Variants in ANKRD36 observed in about 807,000 individuals in gnomAD.
ANKRD36 encodes ankyrin repeat domain-containing protein 36A.
In ANKRD36, 179 loss-of-function variants were observed where a neutral mutation model predicts 278.1. The observed-to-expected ratio is 0.64, with a 90% confidence interval of 0.57 to 0.73. ANKRD36 has a LOEUF of 0.73. Among genes scored for constraint, ANKRD36 ranks in the 30% least tolerant of loss-of-function variants. The pLI, the probability that ANKRD36 is intolerant of heterozygous loss-of-function variation, is 0.00. For missense variants in ANKRD36, 1,159 were observed against 1,956.7 expected, an observed-to-expected ratio of 0.59 and a Z score of 7.69; for synonymous variants, 320 against 641.1, an observed-to-expected ratio of 0.50 and a Z score of 7.57.
At chr2:97,127,605 A>G (rs1374644522) in intron 6 of ANKRD36, among the ~76,000 whole-genome samples, 1 of 151,914 alleles carries the variant, frequency 6.6e-6, no homozygotes, top group Non-Finnish European at 1.5e-5. Context: ...TATGTTGTAT[A>G]TATTATATAT....
chr2:97,208,936 G>A (rs551353179), intron 54 of ANKRD36, among the ~76,000 whole-genome samples: 4 of 146,786 alleles, frequency 2.7e-5, no homozygotes, highest in Admixed American at 2.7e-4. Flanking sequence ...AATATCTAAT[G>A]CTTGTAGCCA....
intron 44 of ANKRD36, among the ~76,000 whole-genome samples, chr2:97,198,991 A>C (rs1218048035): frequency 6.6e-6 from 1 of 151,908 alleles, no homozygotes; most frequent in Non-Finnish European, 1.5e-5. Flanking sequence ...GAGGAAGTAT[A>C]GAATTTACAC....
rs1393720483 is a variant in ANKRD36, at chr2:97,189,556, G to A, written c.2245+266G>A. ...TGGAGAGAGGTTCAAGACATAAGGG[G>A]CTCTGGGGAACAGCATAGTTTTGCT... is the stretch of plus-strand genomic sequence containing the variant. On this transcript the variant is annotated intron_variant, in intron 34 of 75. Transcript: ENST00000420699. 2.3e-5 allele frequency among the ~76,000 whole-genome samples: 2 copies of A among 88,368 alleles called. 1 individual carries two copies. Among genetic ancestry groups the A allele is most frequent in the Admixed American group, 2.0e-4 (2 of 9,854 alleles). The allele number at this position is 88,368 out of a possible 152,430, so 58.0% of individuals were successfully genotyped here.
At chr2:97,145,992 T>G (rs370185589) in intron 10 of ANKRD36, among the ~76,000 whole-genome samples, 2 of 152,044 alleles carry the variant, frequency 1.3e-5, no homozygotes, top group African/African-American at 2.4e-5. Flanking sequence ...GTAGTATAAT[T>G]GTTTAAATCC....
intron 22 of ANKRD36, among the ~76,000 whole-genome samples, chr2:97,168,375 C>A (rs1438360813): frequency 6.6e-6 from 1 of 152,256 alleles, no homozygotes; most frequent in Non-Finnish European, 1.5e-5. Flanking sequence ...AGCAATGACT[C>A]TGAGCTGTTT....
At chr2:97,229,618 G>A (rs2071192210) in intron 67 of ANKRD36, among the ~76,000 whole-genome samples, 1 of 152,034 alleles carries the variant, frequency 6.6e-6, no homozygotes, top group Admixed American at 6.6e-5. Context: ...CTTTTAATTG[G>A]AGCATTTAGT....
chr2:97,191,209 A>G, intron 36 of ANKRD36, 28 bp downstream of exon 36: 1 of 1,557,398 alleles, frequency 6.4e-7, no homozygotes. Context: ...ATTTAATGTC[A>G]TATTCAGTCC....
Position 97,217,363 on chromosome 2 carries a change from T to A in ANKRD36, c.3766T>A (p.Ser1256Thr). Residue 1256 changes from serine to threonine, a missense_variant, in exon 64 of 76, where the codon TCT (serine) becomes ACT (threonine). Transcript: ENST00000420699. ...CACAAGAATAACAGGCGGTTGGAAA[T>A]CTGGAACAGGTAATTTAGCAATATA... ...IATRITGGWKSGTEYPENLPT... is the reference protein window; with the variant it reads ...IATRITGGWKTGTEYPENLPT... 6.5e-7 allele frequency: 1 copy of A among 1,550,108 alleles called. No individual in the cohort carries two copies. The highest frequency in any genetic ancestry group is 8.7e-7 in the Non-Finnish European group (1 of 1,147,660).
intron 66 of ANKRD36, among the ~76,000 whole-genome samples, chr2:97,220,936 C>A (rs1576267600): frequency 1.1e-5 from 1 of 89,974 alleles, no homozygotes; most frequent in Admixed American, 1.5e-4. Context: ...CCTCCCCCGA[C>A]CCCACCACAG....
intron 38 of ANKRD36, among the ~76,000 whole-genome samples, chr2:97,194,234 A>C (rs1488671925): frequency 1.3e-5 from 2 of 151,630 alleles, no homozygotes; most frequent in African/African-American, 2.4e-5. Flanking sequence ...AGAGATGTGA[A>C]GTGTACGTTC....
At chr2:97,222,638 A>T (rs1201490371) in intron 66 of ANKRD36, among the ~76,000 whole-genome samples, 3 of 152,140 alleles carry the variant, frequency 2.0e-5, no homozygotes, top group Non-Finnish European at 4.4e-5. Flanking sequence ...GAAACATAAC[A>T]GTGTCATTTT....
chr2:97,198,185 G>A (rs1024761634), intron 42 of ANKRD36, among the ~76,000 whole-genome samples: 5 of 151,888 alleles, frequency 3.3e-5, no homozygotes, highest in African/African-American at 7.2e-5. Context: ...CTCATCACTC[G>A]GCATATCCAC....
intron 6 of ANKRD36, among the ~76,000 whole-genome samples, chr2:97,130,529 T>A (rs2039864472): frequency 6.6e-6 from 1 of 151,142 alleles, no homozygotes; most frequent in Non-Finnish European, 1.5e-5. Flanking sequence ...CACACCAACA[T>A]GGCACATGTA....
intron 40 of ANKRD36, among the ~76,000 whole-genome samples, chr2:97,196,021 A>G (rs1455187789): frequency 2.6e-5 from 4 of 151,972 alleles, no homozygotes; most frequent in African/African-American, 7.2e-5. Flanking sequence ...GGTGTGAGAG[A>G]TAATGAATAT....
At chr2:97,208,384 C>G (rs1446220030) in intron 54 of ANKRD36, among the ~76,000 whole-genome samples, 1 of 146,536 alleles carries the variant, frequency 6.8e-6, no homozygotes, top group East Asian at 2.0e-4. Flanking sequence ...AGACAGAAAG[C>G]TTGTTGTAAC....
Position 97,202,373 on chromosome 2 carries a change from A to G in ANKRD36, c.2939A>G (p.Asp980Gly). Reference sequence around the variant, plus strand: ...TTGGGTATAGCCAGAGAAAACAAGGATGGAGAAAAATCTAGGACAGGTAAT... The same window carrying G: ...TTGGGTATAGCCAGAGAAAACAAGGGTGGAGAAAAATCTAGGACAGGTAAT... ...SVLGIARENK[D>G]GEKSRTVSSE... Residue 980 changes from aspartate to glycine, a missense_variant, in exon 48 of 76, where the codon GAT (aspartate) becomes GGT (glycine). Coordinates refer to ENST00000420699, the MANE Select transcript of ANKRD36 (RefSeq NM_001354587.1). 2 of 1,554,840 alleles carry G rather than the reference A, an allele frequency of 1.3e-6. No individual in the cohort carries two copies. The highest frequency in any genetic ancestry group is 2.4e-5 in the South Asian group (2 of 84,516).
In ANKRD36 at chr2:97,131,891, C is replaced by T. The variant is rs1457924948; in HGVS notation, c.799+4757C>T. Among the ~76,000 whole-genome samples the T allele has an allele frequency of 3.3e-5, 5 of 150,322 alleles. No homozygotes were observed. The East Asian group carries it at 9.9e-4, about 30-fold the overall frequency. ...TTGCCCAGGCTGGAGTGCAGTGGCA[C>T]GATCTCGGCTCACTGCAAACTCTGC... is the stretch of plus-strand genomic sequence containing the variant. On this transcript the variant is annotated intron_variant, in intron 6 of 75. Transcript: ENST00000420699.
Position 97,196,768 on chromosome 2 carries a change from A to G in ANKRD36, c.2633A>G (p.Asp878Gly). The G allele has an allele frequency of 6.5e-7, 1 of 1,549,240 alleles. No individual in the cohort carries two copies. The highest frequency in any genetic ancestry group is 8.7e-7 in the Non-Finnish European group (1 of 1,148,610). ...TTGGGTATAGCCAGAGAAAACAAGG[A>G]TGGAGAAAAATCTAGGACAGGTAAT... ...SVLGIARENKDGEKSRTVSSE... is the reference protein window; with the variant it reads ...SVLGIARENKGGEKSRTVSSE... Residue 878 changes from aspartate to glycine, a missense_variant, in exon 42 of 76, where the codon GAT (aspartate) becomes GGT (glycine). Coordinates refer to ENST00000420699, the MANE Select transcript of ANKRD36 (RefSeq NM_001354587.1).
intron 20 of ANKRD36, among the ~76,000 whole-genome samples, chr2:97,166,896 T>G (rs964617970): frequency 6.6e-6 from 1 of 152,296 alleles, no homozygotes; most frequent in Non-Finnish European, 1.5e-5. Context: ...ATTATTATAC[T>G]TTAAGTTTTA....
Sources: gnomAD v4.1 joint callset for allele counts (sites outside exome capture counted in the v4.1 genomes callset) on GRCh38, gnomAD v4.1.1 for gene constraint, MANE v1.5 for transcripts, NCBI Gene and HGNC (gene_info 2026-07-23, HGNC 2026-07-21) for gene names.